The following GALNT17 variants were observed in gnomAD, a reference collection of about 807,000 sequenced individuals.
The protein encoded by GALNT17 is polypeptide N-acetylgalactosaminyltransferase 17, also known as UDP-GalNAc:polypeptide N-acetylgalactosaminyltransferase-like 3.
GALNT17 carries 29 observed loss-of-function variants against 63.7 expected under a neutral mutation model. The observed-to-expected ratio is 0.46, with a 90% CI of 0.34 to 0.62. GALNT17 has a LOEUF of 0.62. GALNT17 is among the 20% of genes least tolerant of loss of function. GALNT17 has a pLI of 0.01. For synonymous variants in GALNT17, 305 were observed against 318.3 expected (o/e 0.96, Z 0.45); for missense variants, 603 against 799.6 (o/e 0.75, Z 2.97).
At chr7:71,166,329 A>G (rs1258353812) in intron 1 of GALNT17, among the ~76,000 whole-genome samples, 2 of 152,184 alleles carry the variant, frequency 1.3e-5, no homozygotes, top group Non-Finnish European at 2.9e-5. Flanking sequence ...TTTAAGTTTT[A>G]TTTTAAAAGA....
intron 1 of GALNT17, among the ~76,000 whole-genome samples, chr7:71,274,290 A>T (rs1790646186): frequency 6.6e-6 from 1 of 152,168 alleles, no homozygotes; most frequent in African/African-American, 2.4e-5. Context: ...TATTAAATGG[A>T]TGTTTTTAGA....
At chr7:71,430,436 G>A (rs934770755) in intron 5 of GALNT17, among the ~76,000 whole-genome samples, 3 of 152,184 alleles carry the variant, frequency 2.0e-5, no homozygotes, top group Admixed American at 1.3e-4. Context: ...TTCACCATGA[G>A]AGGGAAGGTT....
At chr7:71,391,816 A>G (rs1247528804) in intron 3 of GALNT17, among the ~76,000 whole-genome samples, 1 of 152,010 alleles carries the variant, frequency 6.6e-6, no homozygotes, top group Non-Finnish European at 1.5e-5. Flanking sequence ...AGAAGGTTTT[A>G]TTTGTCTCAC....
chr7:71,624,393 G>C (rs981873240), intron 6 of GALNT17, among the ~76,000 whole-genome samples: 6 of 152,136 alleles, frequency 3.9e-5, no homozygotes, highest in African/African-American at 1.2e-4. Context: ...CTGTGAGGCC[G>C]GTGCGTTCAT....
At chr7:71,637,489 A>AT (rs78580954) in intron 6 of GALNT17, among the ~76,000 whole-genome samples, 38,152 of 143,742 alleles carry the variant, frequency 0.27, 5,015 homozygotes, top group Non-Finnish European at 0.3. Context: ...GCACCTGGCC[A>AT]TTTTTTTTTT....
chr7:71,506,811 A>G (rs1338396281), intron 5 of GALNT17, among the ~76,000 whole-genome samples: 1 of 152,230 alleles, frequency 6.6e-6, no homozygotes. Flanking sequence ...TTCCAGTGCT[A>G]TAGAACACTA....
rs536316277 is a variant in GALNT17 at position 71,249,108 on chromosome 7, G to T, written c.239-86442G>T. Among the ~76,000 whole-genome samples, 4 of 152,278 alleles carry T rather than the reference G, an allele frequency of 2.6e-5. No individual in the cohort carries two copies. In the South Asian group the frequency reaches 8.3e-4, roughly 32 times the overall value. On this transcript the variant is annotated intron_variant, in intron 1 of 10. Transcript: ENST00000333538. ...TAACAAAAAGTAGAGTCAGTATCTTGAAGTTCATGTATATGGTGAGCAAAA... is the reference window on the plus strand; with the variant it reads ...TAACAAAAAGTAGAGTCAGTATCTTTAAGTTCATGTATATGGTGAGCAAAA...
At chr7:71,383,258 T>C (rs80207774) in intron 2 of GALNT17, among the ~76,000 whole-genome samples, 6,366 of 152,062 alleles carry the variant, frequency 0.042, 234 homozygotes, top group East Asian at 0.11. Context: ...TGGCTCCAGA[T>C]CCCCCTTGGA....
intron 6 of GALNT17, among the ~76,000 whole-genome samples, chr7:71,594,994 T>C (rs1204375417): frequency 6.6e-6 from 1 of 152,064 alleles, no homozygotes; most frequent in Non-Finnish European, 1.5e-5. Context: ...GTGATTCATG[T>C]TGTGATAAAG....
In GALNT17 at chr7:71,382,389, A is replaced by G. The variant is rs1355577984; in HGVS notation, c.423-5846A>G. On this transcript the variant is annotated intron_variant, in intron 2 of 10. Transcript: ENST00000333538. ...AAGCAAGACTCCATCTCAAAAACACAAAAACAAAAACAGAACAAAACAAAC... is the reference window on the plus strand; with the variant it reads ...AAGCAAGACTCCATCTCAAAAACACGAAAACAAAAACAGAACAAAACAAAC... Among the ~76,000 whole-genome samples the G allele has an allele frequency of 2.0e-5, 3 of 152,126 alleles. No homozygotes were observed. In the East Asian group the frequency reaches 5.8e-4, roughly 29 times the overall value.
At chr7:71,136,517 C>T (rs940855379) in intron 1 of GALNT17, among the ~76,000 whole-genome samples, 9 of 151,940 alleles carry the variant, frequency 5.9e-5, no homozygotes, top group East Asian at 1.9e-4. Context: ...GATGGAGTCT[C>T]GCTGTGTCGC....
chr7:71,284,815 T>A (rs946630125), intron 1 of GALNT17, among the ~76,000 whole-genome samples: 1 of 152,180 alleles, frequency 6.6e-6, no homozygotes, highest in African/African-American at 2.4e-5. Context: ...TTAAATTCAT[T>A]TTCTTTCAGT....
intron 6 of GALNT17, among the ~76,000 whole-genome samples, chr7:71,580,748 T>C (rs1269899600): frequency 1.3e-5 from 2 of 152,120 alleles, no homozygotes; most frequent in Non-Finnish European, 2.9e-5. Context: ...ATAGTGTTGC[T>C]GTTCTCTAAG....
At chr7:71,486,164 A>G (rs1787905294) in intron 5 of GALNT17, among the ~76,000 whole-genome samples, 1 of 151,704 alleles carries the variant, frequency 6.6e-6, no homozygotes, top group African/African-American at 2.4e-5. Context: ...TCCCATTTCT[A>G]CTAAAAATGC....
At chr7:71,422,069 T>C (rs2116457180) in intron 5 of GALNT17, among the ~76,000 whole-genome samples, 1 of 152,258 alleles carries the variant, frequency 6.6e-6, no homozygotes, top group South Asian at 2.1e-4. Context: ...ACAGCACAGA[T>C]TGATGCTGCT....
chr7:71,699,494 A>T (rs1392725486), intron 9 of GALNT17, among the ~76,000 whole-genome samples: 2 of 149,216 alleles, frequency 1.3e-5, no homozygotes, highest in Non-Finnish European at 3.0e-5. Flanking sequence ...AAAAAACCCA[A>T]AAAACAAAAA....
intron 1 of GALNT17, among the ~76,000 whole-genome samples, chr7:71,290,649 T>G (rs1054196291): frequency 9.2e-5 from 14 of 152,110 alleles, no homozygotes; most frequent in African/African-American, 3.4e-4. Context: ...CCTTGACAAT[T>G]TCGACAAAAG....
intron 1 of GALNT17, among the ~76,000 whole-genome samples, chr7:71,291,692 G>A (rs1259939872): frequency 2.0e-5 from 3 of 152,002 alleles, no homozygotes; most frequent in African/African-American, 4.8e-5. Flanking sequence ...ATATCCAATC[G>A]TATCACTGGA....
At chr7:71,147,516 C>T (rs1199304690) in intron 1 of GALNT17, among the ~76,000 whole-genome samples, 1 of 152,180 alleles carries the variant, frequency 6.6e-6, no homozygotes, top group African/African-American at 2.4e-5. Context: ...TTGACAACAC[C>T]CTCACAGACA....
Sources: allele counts gnomAD v4.1 joint callset (sites outside exome capture counted in the v4.1 genomes callset), GRCh38; gene constraint gnomAD v4.1.1; transcripts MANE v1.5; gene names NCBI Gene and HGNC (gene_info 2026-07-23, HGNC 2026-07-21).